Variants in EYA3 observed in about 807,000 individuals in gnomAD.
EYA3 encodes EYA transcriptional coactivator and phosphatase 3.
Under a neutral mutation model 80.0 loss-of-function variants are expected in EYA3, and 39 were observed. The ratio of observed to expected loss-of-function variants is 0.49; its 90% CI spans 0.38 to 0.64. EYA3 has a LOEUF of 0.64. Among genes scored for constraint, EYA3 ranks in the 30% least tolerant of loss-of-function variants. The probability of loss-of-function intolerance (pLI) is 0.00; values close to 1 mark genes in which losing one functional copy is unlikely to be tolerated. For synonymous variants in EYA3, 206 were observed against 232.8 expected, an observed-to-expected ratio of 0.88 and a Z score of 1.05; for missense variants, 523 against 676.1, an observed-to-expected ratio of 0.77 and a Z score of 2.51.
intron 7 of EYA3, among the ~76,000 whole-genome samples, chr1:28,025,197 C>T (rs1031132813): frequency 5.3e-5 from 8 of 152,070 alleles, no homozygotes; most frequent in Non-Finnish European, 8.8e-5. Context: ...CATTGTTTTC[C>T]TAACAATTTT....
rs898901938 is a variant in EYA3, at chr1:28,000,044, T to C, written c.999A>G (p.Pro333=). ...TTAAACCTGAGCCAATCACTACTGT[T>C]GGGTCCTAGAAGACAATAAGAAAAA... ...GSYAQKYGKD[P]TVVIGSGLTM... Residue 333 remains proline, a synonymous_variant, in exon 12 of 18, where the codon CCA becomes CCG. Transcript: ENST00000373871. 6 of 1,606,566 alleles carry C rather than the reference T, an allele frequency of 3.7e-6. No individual in the cohort carries two copies. In the African/African-American group the frequency reaches 8.0e-5, roughly 22 times the overall value.
intron 1 of EYA3, among the ~76,000 whole-genome samples, chr1:28,064,842 G>A (rs1158162700): frequency 6.6e-6 from 1 of 152,232 alleles, no homozygotes; most frequent in African/African-American, 2.4e-5. Context: ...CAACTAAGAC[G>A]CAGGTGGTAT....
chr1:28,002,744 C>A (rs1037345799), intron 11 of EYA3, among the ~76,000 whole-genome samples: 3 of 151,670 alleles, frequency 2.0e-5, no homozygotes, highest in Non-Finnish European at 4.4e-5. Flanking sequence ...CTCAAGAGAT[C>A]GAAGCTGCAG....
At chr1:28,069,840 C>T (rs1644961977) in intron 1 of EYA3, among the ~76,000 whole-genome samples, 1 of 152,156 alleles carries the variant, frequency 6.6e-6, no homozygotes. Flanking sequence ...TACATAGGCC[C>T]TAAACGCCAT....
At chr1:28,048,535 G>A (rs1173784606) in intron 2 of EYA3, 109 bp from the exon 3 acceptor site, 4 of 733,104 alleles carry the variant, frequency 5.5e-6, no homozygotes, top group Non-Finnish European at 6.5e-6. Flanking sequence ...GTTTAATTTT[G>A]TTTAGTCTAG....
At chr1:28,052,951 C>T (rs1292383500) in intron 2 of EYA3, among the ~76,000 whole-genome samples, 3 of 151,448 alleles carry the variant, frequency 2.0e-5, no homozygotes, top group Admixed American at 2.0e-4. Context: ...GGTCAGGAGT[C>T]TGAGACCAGC....
Position 28,017,201 on chromosome 1 carries a change from T to G in EYA3, c.538A>C (p.Thr180Pro). The change falls in exon 8 of 18, where the codon ACA (threonine) becomes CCA (proline). Residue 180 changes from threonine to proline, a missense_variant. Around this residue, in one of 2 missense-constraint regions of EYA3, gnomAD observed 304 missense variants for 343.3 expected, o/e 0.89. Coordinates refer to ENST00000373871, the MANE Select transcript of EYA3 (RefSeq NM_001990.4). ...GCTGCTGCTGGAATATTGGCAATTGTAGAAGAAGTAGATATCAGGCTGGCA... is the reference window on the plus strand; with the variant it reads ...GCTGCTGCTGGAATATTGGCAATTGGAGAAGAAGTAGATATCAGGCTGGCA... ...TNASLISTSS[T>P]IANIPAAAVA... 6.2e-7 allele frequency: 1 copy of G among 1,613,934 alleles called. No individual in the cohort carries two copies. Among genetic ancestry groups the G allele is most frequent in the Non-Finnish European group, 8.5e-7 (1 of 1,179,852 alleles).
At chr1:28,012,180 C>T (rs745323780) in intron 9 of EYA3, among the ~76,000 whole-genome samples, 9 of 152,276 alleles carry the variant, frequency 5.9e-5, no homozygotes, top group Admixed American at 1.3e-4. Context: ...AAGTTGATAA[C>T]TGTTGAAGAT....
intron 1 of EYA3, among the ~76,000 whole-genome samples, chr1:28,080,438 T>G (rs1468122831): frequency 6.6e-6 from 1 of 152,090 alleles, no homozygotes; most frequent in Non-Finnish European, 1.5e-5. Flanking sequence ...GCCCAGGTGA[T>G]ACAGGGTGAG....
chr1:28,010,409 G>C (rs902805610), intron 10 of EYA3, among the ~76,000 whole-genome samples: 1 of 151,998 alleles, frequency 6.6e-6, no homozygotes, highest in Admixed American at 6.6e-5. Flanking sequence ...TTTTCTTTTT[G>C]AGACAGAGTC....
At chr1:28,043,825 G>C (rs1643904130) in intron 3 of EYA3, among the ~76,000 whole-genome samples, 1 of 152,190 alleles carries the variant, frequency 6.6e-6, no homozygotes, top group Non-Finnish European at 1.5e-5. Context: ...GCGACACAGT[G>C]AGACTCTGTC....
At chr1:28,026,741 G>C (rs1642808578) in intron 7 of EYA3, among the ~76,000 whole-genome samples, 1 of 151,002 alleles carries the variant, frequency 6.6e-6, no homozygotes, top group African/African-American at 2.4e-5. Context: ...AAAGAAAGAA[G>C]GGGGAGAGGA....
intron 7 of EYA3, among the ~76,000 whole-genome samples, chr1:28,020,352 C>T (rs1642349149): frequency 6.6e-6 from 1 of 151,972 alleles, no homozygotes. Flanking sequence ...ACTTTTTTCT[C>T]CAACTAAGCC....
At position 27,993,380 on chromosome 1, in the gene EYA3, T is replaced by C; in HGVS notation, c.1303+20A>G. 1.2e-6 allele frequency: 2 copies of C among 1,604,450 alleles called. No homozygotes were observed. Among genetic ancestry groups the C allele is most frequent in the Non-Finnish European group, 1.7e-6 (2 of 1,176,928 alleles). ...ACCAGGAAGAAACAGAGAATCAGAC[T>C]GGTTATATGCCACACTTACCACCCA... is the stretch of plus-strand genomic sequence containing the variant. On this transcript the variant is annotated intron_variant, in intron 14 of 17. Coordinates refer to ENST00000373871, the MANE Select transcript of EYA3 (RefSeq NM_001990.4).
chr1:28,067,131 G>A (rs928463434), intron 1 of EYA3, among the ~76,000 whole-genome samples: 1 of 152,148 alleles, frequency 6.6e-6, no homozygotes, highest in African/African-American at 2.4e-5. Context: ...TATAAAAGAG[G>A]TCATAAGATT....
intron 4 of EYA3, among the ~76,000 whole-genome samples, chr1:28,042,139 G>A (rs1228250973): frequency 3.3e-5 from 5 of 152,158 alleles, no homozygotes; most frequent in African/African-American, 1.2e-4. Context: ...TGATTCTTAT[G>A]TAGGCTAAAG....
chr1:28,035,716 A>G (rs1330791980), intron 5 of EYA3, 36 bp from the exon 6 acceptor site: 1 of 1,607,254 alleles, frequency 6.2e-7, no homozygotes, highest in African/African-American at 1.3e-5. Context: ...CTTTTGTGTG[A>G]TTTACTTTAG....
At chr1:28,019,175 T>TA (rs1017269656) in intron 7 of EYA3, among the ~76,000 whole-genome samples, 10 of 151,652 alleles carry the variant, frequency 6.6e-5, no homozygotes, top group African/African-American at 2.4e-4. Context: ...AAAAATAAAT[T>TA]AAAAAAAATT....
intron 8 of EYA3, among the ~76,000 whole-genome samples, chr1:28,015,014 T>C (rs996036243): frequency 3.3e-5 from 5 of 152,216 alleles, no homozygotes; most frequent in African/African-American, 9.7e-5. Context: ...TATAATTATA[T>C]GTATGTGTGT....
Sources: allele counts gnomAD v4.1 joint callset (sites outside exome capture counted in the v4.1 genomes callset), GRCh38; gene constraint gnomAD v4.1.1; regional missense constraint gnomAD v4.1.1; transcripts MANE v1.5; gene names NCBI Gene and HGNC (gene_info 2026-07-23, HGNC 2026-07-21).